Variants in ANKRD30A observed in about 807,000 individuals in gnomAD.
ANKRD30A encodes ankyrin repeat domain 30A.
Under a neutral mutation model 166.3 loss-of-function variants are expected in ANKRD30A, and 170 were observed. The ratio of observed to expected loss-of-function variants is 1.02; its 90% CI spans 0.90 to 1.16. The LOEUF is 1.16. Among genes scored for constraint, ANKRD30A ranks in the 50% most tolerant of loss-of-function variants. ANKRD30A has a pLI of 0.00. For synonymous variants in ANKRD30A, 564 were observed against 508.9 expected (o/e 1.11, Z -1.46); for missense variants, 1,630 against 1,518.0 (o/e 1.07, Z -1.23).
rs755577733 is a variant in ANKRD30A at position 37,158,429 on chromosome 10, T to C, written c.1827+9T>C. On this transcript the variant is annotated intron_variant, in intron 14 of 35. Transcript: ENST00000361713. Reference sequence around the variant, plus strand: ...AAGATGGTCTTCTGAAGGTAATAACTTTTATATTTTTGTCTTGAGTATCAA... The same window carrying C: ...AAGATGGTCTTCTGAAGGTAATAACCTTTATATTTTTGTCTTGAGTATCAA... The C allele has an allele frequency of 6.2e-7, 1 of 1,611,708 alleles. No homozygotes were observed. The highest frequency in any genetic ancestry group is 8.5e-7 in the Non-Finnish European group (1 of 1,178,226).
At chr10:37,243,381 T>C in the ANKRD30A span, among the ~76,000 whole-genome samples, 39 of 151,696 alleles carry the variant, frequency 2.6e-4, 1 homozygote, top group Non-Finnish European at 5.0e-4. Context: ...CCTGACCTCG[T>C]GATCCGCCCG....
At position 37,201,306 on chromosome 10, in the gene ANKRD30A, A is replaced by C. The variant is rs754315959; in HGVS notation, c.2850A>C (p.Lys950Asn). The stretch of plus-strand genomic sequence containing the variant: ...CTACACATCAAAAAGAAATGGATAA[A>C]ATAAGTGGAAAATTAGAAGGTAAGA... ...PKATHQKEMDKISGKLEDSTS... is the reference protein window; with the variant it reads ...PKATHQKEMDNISGKLEDSTS... Residue 950 changes from lysine to asparagine, a missense_variant, in exon 31 of 36, where the codon AAA (lysine) becomes AAC (asparagine). Lys to Asn is a moderately conservative substitution (Grantham distance 94). Transcript: ENST00000361713. 11 of 1,586,032 alleles carry C rather than the reference A, an allele frequency of 6.9e-6. No individual in the cohort carries two copies. In the African/African-American group the frequency reaches 1.1e-4, roughly 16 times the overall value.
chr10:37,211,111 A>G lies in ANKRD30A; in HGVS notation c.2870-5070A>G, dbSNP rs375949175. Among the ~76,000 whole-genome samples the G allele has an allele frequency of 5.4e-4, 82 of 151,768 alleles. No homozygotes were observed. The South Asian group carries it at 0.016, about 30-fold the overall frequency. Reference sequence around the variant, plus strand: ...TTTATGGTTTTAGGTCTTATGTTTAAGTGTTTAATCCATCTTTTTTTTTAT... The same window carrying G: ...TTTATGGTTTTAGGTCTTATGTTTAGGTGTTTAATCCATCTTTTTTTTTAT... On this transcript the variant is annotated intron_variant, in intron 31 of 35. Coordinates refer to ENST00000361713, the MANE Select transcript of ANKRD30A (RefSeq NM_052997.3).
rs1148259 is a variant in ANKRD30A at position 37,219,522 on chromosome 10, A to C, written c.3810A>C (p.Ala1270=). ...GCCTAAAAATTAATCTCAATTATGC[A>C]GGAGATGCTCTAAGAGAAAATACAT... ...SKSLKINLNY[A]GDALRENTLV... is the part of the protein sequence containing the mutation. The change falls in exon 34 of 36, where the codon GCA becomes GCC. Residue 1270 remains alanine, a synonymous_variant. Transcript: ENST00000361713. 0.45 allele frequency: 727,392 copies of C among 1,609,586 alleles called. 170,105 individuals are homozygous for C. Among genetic ancestry groups the C allele is most frequent in the South Asian group, 0.72 (65,172 of 90,944 alleles).
intron 24 of ANKRD30A, among the ~76,000 whole-genome samples, chr10:37,179,037 TATA>T (rs1564529087): frequency 8.0e-5 from 5 of 62,838 alleles, no homozygotes; most frequent in African/African-American, 2.0e-4. Context: ...TATATATATA[TATA>T]TATATATATA....
In ANKRD30A at chr10:37,129,752, G is replaced by A. The variant is rs149964576; in HGVS notation, c.222-141G>A. ...TGAGTAATGAGAGCAAATGAATGTTGTACTTTCTTCAGGAGAATATTAAGT... is the reference window on the plus strand; with the variant it reads ...TGAGTAATGAGAGCAAATGAATGTTATACTTTCTTCAGGAGAATATTAAGT... On this transcript the variant is annotated intron_variant, in intron 1 of 35. Coordinates refer to ENST00000361713, the MANE Select transcript of ANKRD30A (RefSeq NM_052997.3). 597 of 391,988 alleles carry A rather than the reference G, an allele frequency of 1.5e-3. 4 individuals carry two copies. The highest frequency in any genetic ancestry group is 0.013 in the African/African-American group (570 of 43,590). 24.3% of individuals were successfully genotyped at this position (391,988 alleles called of 1,614,324 possible).
chr10:37,135,475 T>G (rs1836623920), intron 5 of ANKRD30A: 1 of 152,222 alleles, frequency 6.6e-6, no homozygotes, highest in South Asian at 2.1e-4. Flanking sequence ...AGGTGATGTA[T>G]GAAATGAGAT....
chr10:37,149,949 A>T, intron 11 of ANKRD30A, 100 bp downstream of exon 11: 1 of 1,497,080 alleles, frequency 6.7e-7, no homozygotes, highest in Non-Finnish European at 9.1e-7. Context: ...AACTTTGATG[A>T]AAACATTTGA....
At chr10:37,201,438 A>G in intron 31 of ANKRD30A, 113 bp downstream of exon 31, 2 of 741,846 alleles carry the variant, frequency 2.7e-6, no homozygotes, top group South Asian at 2.3e-5. Context: ...CAAACCATGG[A>G]AAAAAAGAGA....
chr10:37,200,984 G>A (rs1841577532), intron 30 of ANKRD30A, among the ~76,000 whole-genome samples: 2 of 151,882 alleles, frequency 1.3e-5, no homozygotes, highest in Admixed American at 6.6e-5. Context: ...GAATTTTTTC[G>A]TGTATATGAT....
At chr10:37,204,191 G>A (rs1239310684) in intron 31 of ANKRD30A, among the ~76,000 whole-genome samples, 4 of 152,128 alleles carry the variant, frequency 2.6e-5, no homozygotes, top group Non-Finnish European at 5.9e-5. Context: ...ACGATCCTAA[G>A]CCAAAATAAC....
intron 18 of ANKRD30A, among the ~76,000 whole-genome samples, 162 bp from the exon 19 acceptor site, chr10:37,166,443 C>G (rs1463376819): frequency 1.3e-5 from 2 of 151,800 alleles, no homozygotes; most frequent in Non-Finnish European, 2.9e-5. Context: ...GTGAGGTTTT[C>G]TATCAAAATG....
chr10:37,194,675 C>T (rs1245362436), intron 27 of ANKRD30A, among the ~76,000 whole-genome samples: 2 of 152,094 alleles, frequency 1.3e-5, no homozygotes, highest in Non-Finnish European at 2.9e-5. Flanking sequence ...AATAGTTGTA[C>T]ACTGTACGTA....
rs375872763 is a variant in ANKRD30A at position 37,133,988 on chromosome 10, C to A, written c.690C>A (p.Asp230Glu). 1 of 1,613,984 alleles carries A rather than the reference C, an allele frequency of 6.2e-7. No homozygotes were observed. Among genetic ancestry groups the A allele is most frequent in the Non-Finnish European group, 8.5e-7 (1 of 1,179,914 alleles). Residue 230 changes from aspartate (D) to glutamate (E), a missense_variant, in exon 5 of 36, where the codon GAC becomes GAA. Around this residue, in one of 4 missense-constraint regions of ANKRD30A, gnomAD observed 904 missense variants for 818.5 expected, o/e 1.10. Transcript: ENST00000361713. ...GCATGCTTCTTCAGCAAAATGTTGA[C>A]GTCTTTGCTGCAGATATATGTGGAG... ...IVGMLLQQNV[D>E]VFAADICGVT...
the ANKRD30A span, among the ~76,000 whole-genome samples, chr10:37,265,335 A>G: frequency 3.9e-5 from 6 of 152,200 alleles, no homozygotes; most frequent in African/African-American, 1.4e-4. Context: ...GTGCAAGCTC[A>G]GGTCTCCAGG....
chr10:37,200,604 G>A (rs1475443324), intron 30 of ANKRD30A, among the ~76,000 whole-genome samples: 1 of 152,002 alleles, frequency 6.6e-6, no homozygotes, highest in African/African-American at 2.4e-5. Flanking sequence ...ATACTTATTT[G>A]CTTTTATTTA....
chr10:37,158,666 A>G (rs1260670029), intron 15 of ANKRD30A, 80 bp downstream of exon 15: 6 of 1,562,288 alleles, frequency 3.8e-6, no homozygotes, highest in Middle Eastern at 2.2e-4. Context: ...TTCATTCCCA[A>G]TGTTGTTTTC....
the ANKRD30A span, among the ~76,000 whole-genome samples, chr10:37,256,754 A>G: frequency 1.3e-5 from 2 of 152,198 alleles, no homozygotes; most frequent in African/African-American, 4.8e-5. Flanking sequence ...AGTATTGCAT[A>G]TGGTGGATAA....
intron 34 of ANKRD30A, 64 bp downstream of exon 34, chr10:37,219,961 G>T: frequency 8.2e-7 from 1 of 1,214,100 alleles, no homozygotes; most frequent in Non-Finnish European, 1.1e-6. Flanking sequence ...GTCATATTTG[G>T]CCTTGGCTAA....
Sources: gnomAD v4.1 joint callset for allele counts (sites outside exome capture counted in the v4.1 genomes callset) on GRCh38, gnomAD v4.1.1 for gene constraint, gnomAD v4.1.1 regional missense constraint, MANE v1.5 for transcripts, NCBI Gene and HGNC (gene_info 2026-07-23, HGNC 2026-07-21) for gene names.